The following HPSE2 variants were observed in gnomAD, a reference collection of about 807,000 sequenced individuals.
HPSE2 encodes the protein inactive heparanase-2.
HPSE2 carries 38 observed loss-of-function variants against 60.5 expected under a neutral mutation model. That is an observed-to-expected ratio of 0.63 (90% CI 0.48 to 0.82). HPSE2 has a LOEUF of 0.82. HPSE2 is among the 40% of genes least tolerant of loss of function. The probability of loss-of-function intolerance (pLI) is 0.00; values close to 1 mark genes in which losing one functional copy is unlikely to be tolerated. For synonymous variants in HPSE2, 295 were observed against 293.2 expected, an observed-to-expected ratio of 1.01 and a Z score of -0.06; for missense variants, 713 against 740.4, an observed-to-expected ratio of 0.96 and a Z score of 0.43.
At chr10:98,472,806 G>A (rs1591228081) in intron 11 of HPSE2, among the ~76,000 whole-genome samples, 1 of 141,928 alleles carries the variant, frequency 7.0e-6, no homozygotes, top group Admixed American at 7.0e-5. Flanking sequence ...GAATATTTCT[G>A]TATGTCAAGA....
intron 3 of HPSE2, among the ~76,000 whole-genome samples, chr10:99,112,584 C>T (rs537830079): frequency 1.3e-4 from 20 of 152,164 alleles, no homozygotes; most frequent in African/African-American, 3.4e-4. Context: ...CCACCGTGCC[C>T]GGCCAAAAAT....
chr10:99,273,098 C>A, the HPSE2 span, among the ~76,000 whole-genome samples: 1 of 152,048 alleles, frequency 6.6e-6, no homozygotes, highest in African/African-American at 2.4e-5. Context: ...TAAAAAGGAA[C>A]AAAATAAAGA....
intron 3 of HPSE2, among the ~76,000 whole-genome samples, chr10:98,829,965 G>A (rs935249062): frequency 3.2e-4 from 48 of 152,066 alleles, no homozygotes; most frequent in Non-Finnish European, 2.5e-4. Flanking sequence ...TGCACCTATT[G>A]ACCCATCCCA....
chr10:98,491,087 T>C (rs189139410), intron 9 of HPSE2, among the ~76,000 whole-genome samples: 2 of 152,218 alleles, frequency 1.3e-5, no homozygotes, highest in Non-Finnish European at 2.9e-5. Context: ...TAGGACCCCC[T>C]ACCCCACTCA....
intron 3 of HPSE2, among the ~76,000 whole-genome samples, chr10:99,028,788 G>A (rs548422415): frequency 9.9e-5 from 15 of 152,106 alleles, no homozygotes; most frequent in South Asian, 2.1e-4. Flanking sequence ...AAAAACAGAC[G>A]CATAGATCAA....
chr10:98,838,176 C>T (rs1170030553), intron 3 of HPSE2, among the ~76,000 whole-genome samples: 11 of 152,092 alleles, frequency 7.2e-5, no homozygotes, highest in Admixed American at 7.2e-4. Flanking sequence ...CCTCTTGTGA[C>T]TTGTGAATCA....
Position 98,741,622 on chromosome 10 carries a change from G to C in HPSE2, c.784+2261C>G, listed in dbSNP as rs956638245. 5.3e-5 allele frequency among the ~76,000 whole-genome samples: 8 copies of C among 151,670 alleles called. No individual in the cohort carries two copies. In the East Asian group the frequency reaches 1.6e-3, roughly 30 times the overall value. On this transcript the variant is annotated intron_variant, in intron 4 of 11. Transcript: ENST00000370552. ...ACATTCAGAGATGCCAAAAACCCTA[G>C]AATAATTATTCCCATCAATCACTTG...
chr10:98,884,966 C>G (rs1018259592), intron 3 of HPSE2, among the ~76,000 whole-genome samples: 1 of 152,168 alleles, frequency 6.6e-6, no homozygotes, highest in Non-Finnish European at 1.5e-5. Flanking sequence ...AAGGCCAGAA[C>G]TGCCATAGGC....
the HPSE2 span, among the ~76,000 whole-genome samples, chr10:99,263,712 A>G: frequency 1.3e-5 from 2 of 151,568 alleles, no homozygotes; most frequent in Non-Finnish European, 1.5e-5. Context: ...TCTACACTCA[A>G]CGCAGATGGT....
intron 11 of HPSE2, among the ~76,000 whole-genome samples, chr10:98,476,462 A>G (rs1941024266): frequency 6.6e-6 from 1 of 151,516 alleles, no homozygotes; most frequent in African/African-American, 2.4e-5. Context: ...CCTAAAACTT[A>G]AAGTATAATA....
intron 9 of HPSE2, among the ~76,000 whole-genome samples, chr10:98,549,635 G>T (rs978277574): frequency 6.6e-6 from 1 of 152,090 alleles, no homozygotes; most frequent in African/African-American, 2.4e-5. Flanking sequence ...TAATCAATTT[G>T]GTCCAAGTGT....
At chr10:98,702,104 T>C (rs1385031075) in intron 5 of HPSE2, among the ~76,000 whole-genome samples, 3 of 152,064 alleles carry the variant, frequency 2.0e-5, no homozygotes, top group Non-Finnish European at 4.4e-5. Context: ...AATAAAGGGA[T>C]GGAGGAATAT....
At chr10:98,722,063 G>C (rs568018538) in intron 4 of HPSE2, among the ~76,000 whole-genome samples, 1 of 151,114 alleles carries the variant, frequency 6.6e-6, no homozygotes, top group African/African-American at 2.4e-5. Flanking sequence ...AATCAACACC[G>C]GAGACCATAC....
At chr10:99,039,904 G>T (rs752313261) in intron 3 of HPSE2, among the ~76,000 whole-genome samples, 2 of 152,086 alleles carry the variant, frequency 1.3e-5, no homozygotes, top group South Asian at 2.1e-4. Flanking sequence ...CAGAGTCAGG[G>T]CTGTATATTT....
intron 3 of HPSE2, among the ~76,000 whole-genome samples, chr10:98,759,377 A>G (rs1275720842): frequency 6.6e-6 from 1 of 152,134 alleles, no homozygotes; most frequent in East Asian, 1.9e-4. Flanking sequence ...GACCAATGTC[A>G]AGACACTTTT....
intron 6 of HPSE2, among the ~76,000 whole-genome samples, chr10:98,681,343 T>G (rs1947782224): frequency 1.3e-5 from 2 of 152,158 alleles, no homozygotes; most frequent in African/African-American, 4.8e-5. Context: ...TGAATGTGAT[T>G]TAAAAAAATA....
intron 2 of HPSE2, 95 bp downstream of exon 2, chr10:99,232,246 CACACACA>C (rs1483878503): frequency 7.4e-7 from 1 of 1,359,500 alleles, no homozygotes; most frequent in Non-Finnish European, 1.0e-6. Context: ...CACACACACA[CACACACA>C]CACGAACACA....
chr10:98,696,308 A>AC (rs1948214723), intron 5 of HPSE2, among the ~76,000 whole-genome samples: 1 of 137,728 alleles, frequency 7.3e-6, no homozygotes, highest in South Asian at 2.2e-4. Flanking sequence ...AAAAAAAAAA[A>AC]AAAAAAAAAA....
intron 3 of HPSE2, among the ~76,000 whole-genome samples, chr10:98,831,125 G>A (rs1212286129): frequency 6.6e-6 from 1 of 152,160 alleles, no homozygotes; most frequent in African/African-American, 2.4e-5. Context: ...GTACAAGAGA[G>A]CAGGAAGAAA....
Sources: gnomAD v4.1 joint callset for allele counts (sites outside exome capture counted in the v4.1 genomes callset) on GRCh38, gnomAD v4.1.1 for gene constraint, MANE v1.5 for transcripts, NCBI Gene and HGNC (gene_info 2026-07-23, HGNC 2026-07-21) for gene names.